LRP1B: variants seen among roughly 807,000 people sequenced by gnomAD.
The protein encoded by LRP1B is low-density lipoprotein receptor-related protein 1B.
In LRP1B, 217 loss-of-function variants were observed where a neutral mutation model predicts 556.6. The observed-to-expected ratio is 0.39, with a 90% CI of 0.35 to 0.44. LRP1B has a LOEUF of 0.44. Among genes scored for constraint, LRP1B ranks in the 20% least tolerant of loss-of-function variants. The probability of loss-of-function intolerance (pLI) is 1.00; values close to 1 mark genes in which losing one functional copy is unlikely to be tolerated. For missense variants in LRP1B, 5,053 were observed against 5,620.8 expected, an observed-to-expected ratio of 0.90 and a Z score of 3.23; for synonymous variants, 2,047 against 1,865.8, an observed-to-expected ratio of 1.10 and a Z score of -2.50.
chr2:141,319,195 T>C (rs968682651), intron 3 of LRP1B, among the ~76,000 whole-genome samples: 12 of 152,048 alleles, frequency 7.9e-5, no homozygotes, highest in Admixed American at 7.2e-4. Context: ...AATACAGTTA[T>C]TACTATTTTT....
intron 47 of LRP1B, among the ~76,000 whole-genome samples, chr2:140,527,728 CATTT>C (rs1401847645): frequency 1.3e-5 from 2 of 151,660 alleles, no homozygotes; most frequent in East Asian, 3.9e-4. Flanking sequence ...CTTTTATATT[CATTT>C]GTGTTACATT....
intron 1 of LRP1B, among the ~76,000 whole-genome samples, chr2:141,875,139 C>A (rs1175850422): frequency 6.6e-6 from 1 of 151,120 alleles, no homozygotes; most frequent in Non-Finnish European, 1.5e-5. Flanking sequence ...CACATTATAT[C>A]CATATATATT....
chr2:140,359,881 A>G (rs1444971585), intron 72 of LRP1B, among the ~76,000 whole-genome samples: 2 of 151,592 alleles, frequency 1.3e-5, no homozygotes, highest in African/African-American at 4.8e-5. Context: ...GTGGCATATC[A>G]TAGCCAAAAG....
chr2:140,773,212 C>G (rs537280060), intron 33 of LRP1B, among the ~76,000 whole-genome samples: 1 of 152,262 alleles, frequency 6.6e-6, no homozygotes, highest in Middle Eastern at 3.4e-3. Context: ...CGCCTGTAAT[C>G]CCAACATTTT....
chr2:141,639,776 C>G (rs1034411108), intron 2 of LRP1B, among the ~76,000 whole-genome samples: 1 of 152,022 alleles, frequency 6.6e-6, no homozygotes, highest in Non-Finnish European at 1.5e-5. Context: ...TAGTGAAGAT[C>G]GAAGCAAATA....
At chr2:141,933,337 TCA>T (rs1331027824) in intron 1 of LRP1B, among the ~76,000 whole-genome samples, 1 of 151,954 alleles carries the variant, frequency 6.6e-6, no homozygotes, top group African/African-American at 2.4e-5. Context: ...TACTCTGAGG[TCA>T]CAGACTAAGT....
chr2:141,435,347 C>G (rs896803355), intron 3 of LRP1B, among the ~76,000 whole-genome samples: 1 of 151,658 alleles, frequency 6.6e-6, no homozygotes, highest in Non-Finnish European at 1.5e-5. Context: ...ATCTTCCCAC[C>G]CCAAGAGTTG....
At chr2:140,919,969 T>C (rs1694689001) in intron 21 of LRP1B, among the ~76,000 whole-genome samples, 1 of 152,110 alleles carries the variant, frequency 6.6e-6, no homozygotes, top group Admixed American at 6.6e-5. Context: ...ACTCATTGAA[T>C]ATATTTGTGC....
chr2:141,101,025 C>T (rs564017606), intron 7 of LRP1B, among the ~76,000 whole-genome samples: 1 of 152,190 alleles, frequency 6.6e-6, no homozygotes, highest in South Asian at 2.1e-4. Flanking sequence ...CTTGGACATA[C>T]CATGCAAGGC....
intron 14 of LRP1B, among the ~76,000 whole-genome samples, chr2:141,012,386 T>C (rs570676941): frequency 6.6e-6 from 1 of 152,138 alleles, no homozygotes; most frequent in African/African-American, 2.4e-5. Flanking sequence ...AAAGGACTGT[T>C]TCTATTCATA....
intron 81 of LRP1B, among the ~76,000 whole-genome samples, chr2:140,322,941 T>C (rs1397789611): frequency 6.6e-6 from 1 of 151,948 alleles, no homozygotes; most frequent in Non-Finnish European, 1.5e-5. Flanking sequence ...AGAGAAACTG[T>C]CCTCATATTA....
At chr2:141,493,489 T>C (rs1683408795) in intron 2 of LRP1B, among the ~76,000 whole-genome samples, 1 of 152,114 alleles carries the variant, frequency 6.6e-6, no homozygotes. Flanking sequence ...CCAACAGCCA[T>C]AAATAGGCAA....
At chr2:140,804,629 G>A (rs1213388894) in intron 32 of LRP1B, among the ~76,000 whole-genome samples, 2 of 131,348 alleles carry the variant, frequency 1.5e-5, no homozygotes, top group Non-Finnish European at 3.2e-5. Context: ...AAGCTTAAGA[G>A]TTAGTGTAGG....
At chr2:141,252,553 C>G (rs995833376) in intron 4 of LRP1B, among the ~76,000 whole-genome samples, 1 of 152,162 alleles carries the variant, frequency 6.6e-6, no homozygotes, top group African/African-American at 2.4e-5. Context: ...TTGGTAAAGT[C>G]TGTCCCTGAT....
chr2:140,986,840 A>G (rs953419320), intron 17 of LRP1B, among the ~76,000 whole-genome samples: 1 of 152,210 alleles, frequency 6.6e-6, no homozygotes, highest in African/African-American at 2.4e-5. Context: ...CACGAAGTAG[A>G]AATTTTAGAA....
At chr2:140,422,037 G>A (rs764438353) in intron 66 of LRP1B, among the ~76,000 whole-genome samples, 7 of 152,148 alleles carry the variant, frequency 4.6e-5, no homozygotes, top group Non-Finnish European at 1.0e-4. Context: ...ACAGAATATT[G>A]AAATGATTAG....
chr2:141,708,128 T>C (rs1692216199), intron 2 of LRP1B, among the ~76,000 whole-genome samples: 2 of 152,142 alleles, frequency 1.3e-5, no homozygotes, highest in African/African-American at 4.8e-5. Context: ...TCTGCTGATA[T>C]TTCCTAGAAC....
At chr2:141,351,799 G>A (rs1315826907) in intron 3 of LRP1B, among the ~76,000 whole-genome samples, 1 of 151,940 alleles carries the variant, frequency 6.6e-6, no homozygotes, top group African/African-American at 2.4e-5. Flanking sequence ...GGATAGGGAT[G>A]ATTAGAAGAT....
intron 66 of LRP1B, among the ~76,000 whole-genome samples, chr2:140,397,213 G>A (rs920027783): frequency 2.6e-5 from 4 of 151,840 alleles, no homozygotes; most frequent in African/African-American, 9.7e-5. Flanking sequence ...TGGGGTACAC[G>A]TGCAGGATGT....
Sources: gnomAD v4.1 joint callset for allele counts (sites outside exome capture counted in the v4.1 genomes callset) on GRCh38, gnomAD v4.1.1 for gene constraint, MANE v1.5 for transcripts, NCBI Gene and HGNC (gene_info 2026-07-23, HGNC 2026-07-21) for gene names.